Variants in CSMD1 observed in about 807,000 individuals in gnomAD.
CSMD1 encodes the protein CUB and sushi domain-containing protein 1.
Under a neutral mutation model 417.5 loss-of-function variants are expected in CSMD1, and 213 were observed. The observed-to-expected ratio is 0.51, with a 90% CI of 0.46 to 0.57. The LOEUF is 0.57. Among genes scored for constraint, CSMD1 ranks in the 20% least tolerant of loss-of-function variants. The probability of loss-of-function intolerance (pLI) is 0.00; values close to 1 mark genes in which losing one functional copy is unlikely to be tolerated. For synonymous variants in CSMD1, 2,862 were observed against 1,736.8 expected, an observed-to-expected ratio of 1.65 and a Z score of -16.11; for missense variants, 6,923 against 4,529.7, an observed-to-expected ratio of 1.53 and a Z score of -15.17.
intron 10 of CSMD1, among the ~76,000 whole-genome samples, chr8:3,508,316 T>G (rs113499580): frequency 1.3e-5 from 2 of 150,348 alleles, no homozygotes; most frequent in Non-Finnish European, 1.5e-5. Flanking sequence ...GTGAGAACAC[T>G]TGGACACAGG....
intron 1 of CSMD1, among the ~76,000 whole-genome samples, chr8:4,707,275 G>A (rs1301872257): frequency 6.6e-6 from 1 of 152,088 alleles, no homozygotes; most frequent in Non-Finnish European, 1.5e-5. Context: ...GGAATATTAG[G>A]TCTTTAAACA....
In CSMD1 at chr8:3,326,572, T is replaced by C. The variant is rs144311818; in HGVS notation, c.3631+16722A>G. On this transcript the variant is annotated intron_variant, in intron 23 of 69. Coordinates refer to ENST00000635120, the MANE Select transcript of CSMD1 (RefSeq NM_033225.6). Reference sequence around the variant, plus strand: ...TACACATTTGTTTTCAAGCTTAAAATAGACACATAAAAGTAAAACTTTCTA... The same window carrying C: ...TACACATTTGTTTTCAAGCTTAAAACAGACACATAAAAGTAAAACTTTCTA... Among the ~76,000 whole-genome samples the C allele has an allele frequency of 4.4e-4, 67 of 152,344 alleles. 1 individual carries two copies. The highest frequency in any genetic ancestry group is 1.5e-3 in the African/African-American group (62 of 41,588).
chr8:3,838,699 T>C (rs1802876231), intron 5 of CSMD1, among the ~76,000 whole-genome samples: 1 of 97,678 alleles, frequency 1.0e-5, no homozygotes, highest in Non-Finnish European at 1.8e-5. Context: ...ATATAATAAA[T>C]ATTATATAGT....
intron 1 of CSMD1, among the ~76,000 whole-genome samples, chr8:4,957,443 C>A (rs76302620): frequency 0.012 from 1,842 of 152,306 alleles, 31 homozygotes; most frequent in African/African-American, 0.04. Flanking sequence ...GCGCTTTCTT[C>A]TTTTTGCCTA....
At chr8:4,027,508 C>T (rs185907055) in intron 4 of CSMD1, among the ~76,000 whole-genome samples, 1 of 152,104 alleles carries the variant, frequency 6.6e-6, no homozygotes, top group African/African-American at 2.4e-5. Context: ...AAGGGTCTTT[C>T]ACCCTTCACT....
chr8:4,507,337 C>A (rs1341269880), intron 2 of CSMD1, among the ~76,000 whole-genome samples: 1 of 152,116 alleles, frequency 6.6e-6, no homozygotes, highest in Non-Finnish European at 1.5e-5. Flanking sequence ...CAATTAACGC[C>A]ACCCTAATCT....
intron 7 of CSMD1, among the ~76,000 whole-genome samples, chr8:3,653,431 C>A (rs1445942617): frequency 2.0e-5 from 3 of 152,098 alleles, no homozygotes; most frequent in Non-Finnish European, 4.4e-5. Context: ...GCCTCAGCCT[C>A]CCCAGTAGCT....
intron 5 of CSMD1, among the ~76,000 whole-genome samples, chr8:3,907,234 G>A (rs562315346): frequency 4.6e-5 from 7 of 152,270 alleles, no homozygotes; most frequent in African/African-American, 1.7e-4. Flanking sequence ...TCTTGGAAAA[G>A]TGGAAAAATA....
At chr8:3,625,602 A>C (rs2117220612) in intron 7 of CSMD1, among the ~76,000 whole-genome samples, 1 of 152,304 alleles carries the variant, frequency 6.6e-6, no homozygotes, top group East Asian at 1.9e-4. Context: ...ATTTTTAAAA[A>C]ATACATTTCA....
chr8:3,948,250 G>C (rs901946538), intron 5 of CSMD1, among the ~76,000 whole-genome samples: 2 of 152,044 alleles, frequency 1.3e-5, no homozygotes, highest in Non-Finnish European at 2.9e-5. Flanking sequence ...CGCAGACATA[G>C]TATGTGCTAT....
intron 5 of CSMD1, among the ~76,000 whole-genome samples, chr8:3,981,387 G>C (rs905879401): frequency 2.6e-5 from 4 of 151,336 alleles, no homozygotes; most frequent in Admixed American, 6.6e-5. Flanking sequence ...AACAAATATG[G>C]TGCAGTGTAT....
At chr8:3,680,326 T>C (rs1037651673) in intron 7 of CSMD1, among the ~76,000 whole-genome samples, 5 of 152,016 alleles carry the variant, frequency 3.3e-5, no homozygotes, top group African/African-American at 7.3e-5. Context: ...AAGAATCAAA[T>C]AGACGCAATA....
At chr8:4,553,813 T>A (rs1275375926) in intron 2 of CSMD1, among the ~76,000 whole-genome samples, 1 of 152,210 alleles carries the variant, frequency 6.6e-6, no homozygotes, top group African/African-American at 2.4e-5. Flanking sequence ...CTGGATCATC[T>A]ATTTACAAGG....
chr8:3,463,530 A>G (rs1816635140), intron 12 of CSMD1, among the ~76,000 whole-genome samples: 1 of 152,190 alleles, frequency 6.6e-6, no homozygotes, highest in Non-Finnish European at 1.5e-5. Flanking sequence ...CTATTCTGGC[A>G]GGCACTGTCT....
At chr8:3,091,694 A>C in intron 47 of CSMD1, 32 bp from the exon 48 acceptor site, 2 of 1,592,888 alleles carry the variant, frequency 1.3e-6, no homozygotes, top group Non-Finnish European at 1.7e-6. Context: ...AAACATTCAG[A>C]GATGAGTGAG....
chr8:3,498,596 AC>A (rs1415972683), intron 10 of CSMD1, among the ~76,000 whole-genome samples: 1 of 152,068 alleles, frequency 6.6e-6, no homozygotes, highest in East Asian at 1.9e-4. Context: ...GATATCCTAC[AC>A]CTTTCTGATC....
chr8:4,742,538 T>C (rs1249749954), intron 1 of CSMD1, among the ~76,000 whole-genome samples: 1 of 152,038 alleles, frequency 6.6e-6, no homozygotes, highest in Non-Finnish European at 1.5e-5. Flanking sequence ...ATATATTATT[T>C]AAATTAAAAA....
At chr8:3,710,771 A>G (rs900098) in intron 6 of CSMD1, among the ~76,000 whole-genome samples, 50,103 of 151,948 alleles carry the variant, frequency 0.33, 8,423 homozygotes, top group East Asian at 0.49. Context: ...GAATTATGAC[A>G]CCGCCAGCTC....
At chr8:4,676,815 C>T (rs898510446) in intron 1 of CSMD1, among the ~76,000 whole-genome samples, 1 of 151,516 alleles carries the variant, frequency 6.6e-6, no homozygotes, top group Non-Finnish European at 1.5e-5. Flanking sequence ...TATAAAATGG[C>T]TTTGAATGTT....
Sources: gnomAD v4.1 joint callset for allele counts (sites outside exome capture counted in the v4.1 genomes callset) on GRCh38, gnomAD v4.1.1 for gene constraint, MANE v1.5 for transcripts, NCBI Gene and HGNC (gene_info 2026-07-23, HGNC 2026-07-21) for gene names.